Variants in GNAS observed in about 807,000 individuals in gnomAD.
The protein encoded by GNAS is protein ALEX.
GNAS carries 8 observed loss-of-function variants against 54.5 expected under a neutral mutation model. That is an observed-to-expected ratio of 0.15 (90% CI 0.09 to 0.26). The LOEUF is 0.26. Ranked by LOEUF, GNAS falls within the 10% of genes least tolerant of loss-of-function variation. GNAS has a pLI of 1.00. For synonymous variants in GNAS, 204 were observed against 191.4 expected, an observed-to-expected ratio of 1.07 and a Z score of -0.54; for missense variants, 170 against 529.8, an observed-to-expected ratio of 0.32 and a Z score of 6.67.
intron 1 of GNAS, chr20:58,855,126 G>T (rs773195446): frequency 1.2e-6 from 2 of 1,613,646 alleles, no homozygotes; most frequent in Non-Finnish European, 1.7e-6. Flanking sequence ...GGGCTGCTTC[G>T]GTCGATCTGA....
At chr20:58,869,771 G>A (rs758100080) in intron 1 of GNAS, among the ~76,000 whole-genome samples, 22 of 152,180 alleles carry the variant, frequency 1.4e-4, no homozygotes, top group Admixed American at 1.3e-4. Context: ...AGTGCTTCAC[G>A]GCACACTGGG....
upstream of GNAS, chr20:58,889,300 G>GGC: frequency 1.0e-6 from 1 of 989,986 alleles, no homozygotes; most frequent in Non-Finnish European, 1.2e-6. Context: ...GGCGCGGGGC[G>GGC]GCGGCGGGCG....
intron 1 of GNAS, among the ~76,000 whole-genome samples, chr20:58,878,651 G>A (rs2087998893): frequency 6.6e-6 from 1 of 152,152 alleles, no homozygotes; most frequent in Non-Finnish European, 1.5e-5. Context: ...TCCATGCGTG[G>A]TGATTCTGCC....
upstream of GNAS, among the ~76,000 whole-genome samples, chr20:58,891,082 C>T (rs1328950004): frequency 6.7e-6 from 1 of 149,094 alleles, no homozygotes; most frequent in Middle Eastern, 3.2e-3. Flanking sequence ...GGCGCGGAGA[C>T]GCCCCCTCTC....
chr20:58,871,628 A>T (rs2087463008), intron 1 of GNAS, among the ~76,000 whole-genome samples: 2 of 146,780 alleles, frequency 1.4e-5, no homozygotes, highest in Admixed American at 6.7e-5. Flanking sequence ...AAAAAAAAAA[A>T]ACAAACAACA....
chr20:58,859,122 T>A (rs2086648826), intron 1 of GNAS, among the ~76,000 whole-genome samples: 1 of 152,238 alleles, frequency 6.6e-6, no homozygotes, highest in African/African-American at 2.4e-5. Context: ...GTATGTATCC[T>A]CCTAACTTGA....
chr20:58,899,616 A>AT (rs1339104074), intron 3 of GNAS: 5 of 587,398 alleles, frequency 8.5e-6, no homozygotes, highest in Non-Finnish European at 1.6e-5. Context: ...TTATCAAATT[A>AT]TTTTTTCTTT....
intron 1 of GNAS, among the ~76,000 whole-genome samples, chr20:58,846,979 T>A (rs1184063882): frequency 6.6e-6 from 1 of 152,166 alleles, no homozygotes; most frequent in Non-Finnish European, 1.5e-5. Flanking sequence ...GTGCTGTTCA[T>A]CTTTTCTGGA....
chr20:58,904,419 G>A (rs1174420256), intron 5 of GNAS, among the ~76,000 whole-genome samples: 1 of 152,144 alleles, frequency 6.6e-6, no homozygotes, highest in African/African-American at 2.4e-5. Flanking sequence ...ATATGGAAAA[G>A]ACTTTCCTCT....
intron 1 of GNAS, among the ~76,000 whole-genome samples, chr20:58,861,424 C>T (rs2086776821): frequency 6.6e-6 from 1 of 152,146 alleles, no homozygotes; most frequent in Non-Finnish European, 1.5e-5. Flanking sequence ...AGACTCTGGC[C>T]CTAACACGCA....
chr20:58,905,268 A>G (rs2090961238), intron 5 of GNAS, 115 bp from the exon 6 acceptor site: 3 of 726,700 alleles, frequency 4.1e-6, no homozygotes, highest in Non-Finnish European at 7.5e-6. Flanking sequence ...TCAAAATTCA[A>G]AATCACACCA....
chr20:58,910,608 G>A lies in GNAS; in HGVS notation c.1039-75G>A, dbSNP rs775423918. On this transcript the variant is annotated intron_variant, in intron 12 of 12. Coordinates refer to ENST00000371085, the MANE Select transcript of GNAS (RefSeq NM_000516.7). The surrounding 1 kb of genome is among the most constrained non-coding windows in gnomAD (Gnocchi z 5.8). Reference sequence around the variant, plus strand: ...AGAGGCTGGCTGACAGCCGTCCCTGGTAGGTGTCCCCATCAGGGATAGGGT... The same window carrying A: ...AGAGGCTGGCTGACAGCCGTCCCTGATAGGTGTCCCCATCAGGGATAGGGT... The A allele has an allele frequency of 9.2e-6, 14 of 1,526,238 alleles. No homozygotes were observed. Among genetic ancestry groups the A allele is most frequent in the Admixed American group, 1.7e-5 (1 of 59,472 alleles). 94.5% of individuals were successfully genotyped at this position (1,526,238 alleles called of 1,614,324 possible).
At chr20:58,896,217 TAC>T (rs1050085460) in intron 2 of GNAS, among the ~76,000 whole-genome samples, 11 of 122,118 alleles carry the variant, frequency 9.0e-5, no homozygotes, top group Non-Finnish European at 1.6e-4. Context: ...AGCCCGTGTT[TAC>T]AGTTTCTCAT....
At chr20:58,891,895 G>GCCCGGGGGCCCTCGAAGGGCGC in intron 1 of GNAS, 30 bp downstream of exon 1, 2 of 1,060,752 alleles carry the variant, frequency 1.9e-6, no homozygotes, top group Non-Finnish European at 2.3e-6. Flanking sequence ...GCCGGCCCCG[G>GCCCGGGGGCCCTCGAAGGGCGC]CCCGGGGGCC....
intron 3 of GNAS, among the ~76,000 whole-genome samples, chr20:58,900,737 G>A (rs1451962814): frequency 2.0e-5 from 3 of 152,120 alleles, no homozygotes; most frequent in South Asian, 2.1e-4. Context: ...CACAATCAAC[G>A]TTAAATTCAT....
At chr20:58,871,688 G>T (rs2087478776) in intron 1 of GNAS, among the ~76,000 whole-genome samples, 1 of 144,078 alleles carries the variant, frequency 6.9e-6, no homozygotes, top group Non-Finnish European at 1.5e-5. Flanking sequence ...AAAAAAGAGG[G>T]AAAGGAAAGA....
At chr20:58,890,133 C>T (rs1191800659), upstream of GNAS, among the ~76,000 whole-genome samples, 1 of 151,780 alleles carries the variant, frequency 6.6e-6, no homozygotes, top group East Asian at 1.9e-4. Flanking sequence ...GAAGAAGCTG[C>T]TGGAGCAGAG....
intron 1 of GNAS, among the ~76,000 whole-genome samples, chr20:58,877,316 TGGCCTATTCTGTGGG>T (rs1219613326): frequency 6.6e-6 from 1 of 151,898 alleles, no homozygotes; most frequent in Non-Finnish European, 1.5e-5. Flanking sequence ...TGTGCACCAG[TGGCCTATTCTGTGGG>T]GGCCCAGGAC....
intron 1 of GNAS, among the ~76,000 whole-genome samples, chr20:58,881,423 T>C (rs1006269748): frequency 2.0e-5 from 3 of 152,198 alleles, no homozygotes; most frequent in East Asian, 3.9e-4. Flanking sequence ...GTGGAAGGGA[T>C]TGAGGAAAGC....
Sources: allele counts gnomAD v4.1 joint callset (sites outside exome capture counted in the v4.1 genomes callset), GRCh38; gene constraint gnomAD v4.1.1; non-coding constraint Gnocchi (gnomAD v3.1); transcripts MANE v1.5; gene names NCBI Gene and HGNC (gene_info 2026-07-23, HGNC 2026-07-21).